Variants in LOC128125817 observed in about 807,000 individuals in gnomAD.
At chr1:41,618,589 T>G in the LOC128125817 span, among the ~76,000 whole-genome samples, 1 of 152,234 alleles carries the variant, frequency 6.6e-6, no homozygotes, top group East Asian at 1.9e-4. Context: ...TCCCGTTCTT[T>G]CCCTTTCGGT....
At chr1:41,628,624 A>G in the LOC128125817 span, 1 of 785,268 alleles carries the variant, frequency 1.3e-6, no homozygotes, top group Middle Eastern at 4.3e-4. Flanking sequence ...GAGGCACCAG[A>G]AAGGCAACGA....
At chr1:41,585,430 G>A in the LOC128125817 span, 1 of 398,150 alleles carries the variant, frequency 2.5e-6, no homozygotes, top group Non-Finnish European at 4.4e-6. Flanking sequence ...ACACCTGGCT[G>A]AGACCCCTCA....
At chr1:41,615,460 C>A in the LOC128125817 span, among the ~76,000 whole-genome samples, 24 of 152,328 alleles carry the variant, frequency 1.6e-4, no homozygotes, top group Non-Finnish European at 2.9e-4. Context: ...GGTCTAAAGT[C>A]CACGTTTGAC....
At chr1:41,624,217 T>A in the LOC128125817 span, among the ~76,000 whole-genome samples, 1 of 152,136 alleles carries the variant, frequency 6.6e-6, no homozygotes, top group Non-Finnish European at 1.5e-5. Context: ...CCCTCCATTA[T>A]CCTCCAGTAC....
chr1:41,616,569 CT>C, the LOC128125817 span, among the ~76,000 whole-genome samples: 368 of 127,672 alleles, frequency 2.9e-3, 2 homozygotes, highest in African/African-American at 6.4e-3. Flanking sequence ...ATAGCAATTA[CT>C]TTTTTTTTTT....
chr1:41,596,117 G>A, the LOC128125817 span, among the ~76,000 whole-genome samples: 1 of 152,118 alleles, frequency 6.6e-6, no homozygotes, highest in African/African-American at 2.4e-5. Context: ...GACACTGGGA[G>A]GTGTTTCCAC....
chr1:41,609,596 A>C, the LOC128125817 span, among the ~76,000 whole-genome samples: 2 of 152,176 alleles, frequency 1.3e-5, no homozygotes, highest in Non-Finnish European at 2.9e-5. Flanking sequence ...GCTGTCTCCA[A>C]TCCATAATGA....
the LOC128125817 span, among the ~76,000 whole-genome samples, chr1:41,621,215 C>T: frequency 1.2e-4 from 19 of 152,346 alleles, no homozygotes; most frequent in South Asian, 2.1e-4. Flanking sequence ...CCACAGACCA[C>T]GGCCTTGACC....
At chr1:41,593,500 TGTATGA>T in the LOC128125817 span, among the ~76,000 whole-genome samples, 7 of 152,204 alleles carry the variant, frequency 4.6e-5, no homozygotes, top group African/African-American at 1.7e-4. Flanking sequence ...TCTGCATACT[TGTATGA>T]GTATATCACA....
At chr1:41,627,619 C>A in the LOC128125817 span, among the ~76,000 whole-genome samples, 1 of 152,276 alleles carries the variant, frequency 6.6e-6, no homozygotes, top group East Asian at 1.9e-4. Context: ...CTGCCTGTGG[C>A]CCCATCCCCT....
chr1:41,609,846 C>T, the LOC128125817 span, among the ~76,000 whole-genome samples: 2 of 152,248 alleles, frequency 1.3e-5, no homozygotes, highest in South Asian at 2.1e-4. Flanking sequence ...GTTGGCTATG[C>T]CATAGGCCAA....
the LOC128125817 span, among the ~76,000 whole-genome samples, chr1:41,597,487 C>T: frequency 6.6e-6 from 1 of 152,202 alleles, no homozygotes; most frequent in African/African-American, 2.4e-5. Flanking sequence ...GTATGTTACG[C>T]AAATTCACTC....
At chr1:41,587,816 C>T in the LOC128125817 span, among the ~76,000 whole-genome samples, 1 of 152,162 alleles carries the variant, frequency 6.6e-6, no homozygotes, top group African/African-American at 2.4e-5. Flanking sequence ...CTGTCTCCCA[C>T]CTCAATTAAT....
chr1:41,603,400 C>T, the LOC128125817 span, among the ~76,000 whole-genome samples: 4 of 149,642 alleles, frequency 2.7e-5, no homozygotes, highest in Non-Finnish European at 5.9e-5. Flanking sequence ...CTCACTGTCA[C>T]CCAGGCTGGA....
chr1:41,603,149 C>T, the LOC128125817 span, among the ~76,000 whole-genome samples: 2 of 152,150 alleles, frequency 1.3e-5, no homozygotes, highest in Admixed American at 6.6e-5. Context: ...TCACTGCAAC[C>T]TCCACCTCCC....
the LOC128125817 span, among the ~76,000 whole-genome samples, chr1:41,594,772 G>A: frequency 6.6e-6 from 1 of 151,794 alleles, no homozygotes; most frequent in Non-Finnish European, 1.5e-5. Flanking sequence ...ATGACTTTTA[G>A]GTTTCACATC....
the LOC128125817 span, among the ~76,000 whole-genome samples, chr1:41,625,919 T>C: frequency 8.5e-5 from 13 of 152,352 alleles, no homozygotes; most frequent in East Asian, 2.5e-3. Context: ...TGACATTCCA[T>C]GCAAGATTTG....
At chr1:41,593,130 T>A in the LOC128125817 span, among the ~76,000 whole-genome samples, 3 of 152,228 alleles carry the variant, frequency 2.0e-5, no homozygotes, top group Non-Finnish European at 2.9e-5. Context: ...TTTCTCCTTC[T>A]TTTAAACGAA....
chr1:41,613,443 C>G, the LOC128125817 span, among the ~76,000 whole-genome samples: 2 of 152,232 alleles, frequency 1.3e-5, no homozygotes, highest in Non-Finnish European at 2.9e-5. Flanking sequence ...GTATTTTAAA[C>G]ACCTTCATGT....
Sources: gnomAD v4.1 joint callset for allele counts (sites outside exome capture counted in the v4.1 genomes callset) on GRCh38, gnomAD v4.1.1 for gene constraint, MANE v1.5 for transcripts.